Variants in ZNF610 observed in about 807,000 individuals in gnomAD.
ZNF610 encodes the protein zink finger protein.
A neutral mutation model predicts 14.1 loss-of-function variants in ZNF610; 14 were observed. The ratio of observed to expected loss-of-function variants is 0.99; its 90% CI spans 0.65 to 1.55. ZNF610 has a LOEUF of 1.55. Ranked by LOEUF, ZNF610 falls within the 40% of genes most tolerant of loss-of-function variation. The probability of loss-of-function intolerance (pLI) is 0.00; values close to 1 mark genes in which losing one functional copy is unlikely to be tolerated. For synonymous variants in ZNF610, 185 were observed against 187.6 expected, an observed-to-expected ratio of 0.99 and a Z score of 0.11; for missense variants, 530 against 558.0, an observed-to-expected ratio of 0.95 and a Z score of 0.51.
At chr19:52,336,813 C>T (rs1984406609) in intron 1 of ZNF610, among the ~76,000 whole-genome samples, 1 of 152,196 alleles carries the variant, frequency 6.6e-6, no homozygotes, top group African/African-American at 2.4e-5. Flanking sequence ...CTCCCGACCC[C>T]CGGGTGTGGG....
intron 5 of ZNF610, among the ~76,000 whole-genome samples, chr19:52,363,452 A>C (rs1169956956): frequency 1.3e-5 from 2 of 152,102 alleles, no homozygotes; most frequent in Non-Finnish European, 2.9e-5. Context: ...TCCATTTTTG[A>C]AAATGAAGTA....
Position 52,350,549 on chromosome 19 carries a change from G to A in ZNF610, c.63+1314G>A, listed in dbSNP as rs1343453448. On this transcript the variant is annotated intron_variant, in intron 3 of 5. Coordinates refer to ENST00000403906, the MANE Select transcript of ZNF610 (RefSeq NM_001161425.2). ...AAAAATCAGCAAGGCTTGGTGGTGGGCACCTGTAATCCCAGCTACCACAGA... is the reference window on the plus strand; with the variant it reads ...AAAAATCAGCAAGGCTTGGTGGTGGACACCTGTAATCCCAGCTACCACAGA... Among the ~76,000 whole-genome samples, 3 of 152,234 alleles carry A rather than the reference G, an allele frequency of 2.0e-5. No individual in the cohort carries two copies. The East Asian group carries it at 5.8e-4, about 29-fold the overall frequency.
chr19:52,344,319 A>C (rs2122191531), intron 1 of ZNF610, among the ~76,000 whole-genome samples: 1 of 150,052 alleles, frequency 6.7e-6, no homozygotes. Flanking sequence ...GGATTCTGTG[A>C]CCCCCCCATA....
At chr19:52,340,173 G>T (rs1364162122) in intron 1 of ZNF610, among the ~76,000 whole-genome samples, 3 of 152,202 alleles carry the variant, frequency 2.0e-5, no homozygotes. Context: ...GGCTGACTCA[G>T]GCAGATCACT....
At chr19:52,348,909 G>T (rs1016799567) in intron 2 of ZNF610, among the ~76,000 whole-genome samples, 4 of 152,178 alleles carry the variant, frequency 2.6e-5, no homozygotes, top group Non-Finnish European at 5.9e-5. Flanking sequence ...GCTCAGTCCA[G>T]CCTAGCTCCC....
upstream of ZNF610, among the ~76,000 whole-genome samples, chr19:52,334,527 ATAAAG>A (rs1253415990): frequency 4.0e-5 from 6 of 151,670 alleles, no homozygotes; most frequent in East Asian, 3.8e-4. Context: ...ATAAAATAAA[ATAAAG>A]TAATTTATAA....
intron 5 of ZNF610, among the ~76,000 whole-genome samples, chr19:52,357,767 A>G (rs563825542): frequency 4.3e-4 from 66 of 152,066 alleles, no homozygotes; most frequent in African/African-American, 1.5e-3. Flanking sequence ...GCAGTGAGCT[A>G]TGATCGCGCC....
At chr19:52,353,396 G>A (rs569992303) in intron 3 of ZNF610, among the ~76,000 whole-genome samples, 110 of 152,294 alleles carry the variant, frequency 7.2e-4, no homozygotes, top group African/African-American at 2.5e-3. Context: ...GGTTAGTGGT[G>A]CATGCCTATA....
At chr19:52,343,130 C>G (rs1322903431) in intron 1 of ZNF610, among the ~76,000 whole-genome samples, 1 of 152,264 alleles carries the variant, frequency 6.6e-6, no homozygotes, top group Admixed American at 6.5e-5. Context: ...CACGTATCCC[C>G]AGCAGTCCTG....
intron 1 of ZNF610, among the ~76,000 whole-genome samples, chr19:52,339,938 C>T (rs573747994): frequency 1.6e-4 from 25 of 152,274 alleles, no homozygotes; most frequent in African/African-American, 6.0e-4. Context: ...GGATTACAGG[C>T]GTGAGCCACC....
chr19:52,355,536 T>C (rs1320640200), intron 5 of ZNF610, among the ~76,000 whole-genome samples: 1 of 152,238 alleles, frequency 6.6e-6, no homozygotes, highest in East Asian at 1.9e-4. Flanking sequence ...CTGGGTTTTC[T>C]ATAATTCATT....
At chr19:52,335,347 G>A (rs1984328450), upstream of ZNF610, among the ~76,000 whole-genome samples, 1 of 152,218 alleles carries the variant, frequency 6.6e-6, no homozygotes, top group Admixed American at 6.5e-5. Context: ...CGAACGATGG[G>A]TATGGTGGCA....
chr19:52,355,269 C>G (rs1385582335), intron 5 of ZNF610, among the ~76,000 whole-genome samples: 2 of 152,148 alleles, frequency 1.3e-5, no homozygotes, highest in African/African-American at 4.8e-5. Context: ...CCCCCTTGAC[C>G]TATTCATGGT....
chr19:52,349,805 G>A (rs1351883217), intron 3 of ZNF610, among the ~76,000 whole-genome samples: 5 of 152,004 alleles, frequency 3.3e-5, no homozygotes, highest in South Asian at 4.1e-4. Context: ...CCCTGACCTC[G>A]TGATCCACCT....
chr19:52,342,191 C>T (rs898159541), intron 1 of ZNF610, among the ~76,000 whole-genome samples: 27 of 152,158 alleles, frequency 1.8e-4, no homozygotes, highest in Admixed American at 2.0e-4. Flanking sequence ...GATTTTCCCA[C>T]GTCAGCCTCC....
chr19:52,335,548 G>T (rs1984335325), upstream of ZNF610, among the ~76,000 whole-genome samples: 1 of 152,148 alleles, frequency 6.6e-6, no homozygotes, highest in South Asian at 2.1e-4. Flanking sequence ...GACTGGGAAA[G>T]GCAGACCCAC....
upstream of ZNF610, among the ~76,000 whole-genome samples, chr19:52,334,102 A>G (rs1287405453): frequency 6.6e-6 from 1 of 152,262 alleles, no homozygotes; most frequent in Non-Finnish European, 1.5e-5. Context: ...ATACAAAACT[A>G]GTATAAGATG....
upstream of ZNF610, among the ~76,000 whole-genome samples, chr19:52,334,936 A>AACAAACACACACACACACACACAC (rs1555800373): frequency 3.4e-4 from 14 of 41,534 alleles, no homozygotes; most frequent in Non-Finnish European, 2.5e-4. Flanking sequence ...CTCAAAAACA[A>AACAAACACACACACACACACACAC]ACACACACAC....
intron 3 of ZNF610, among the ~76,000 whole-genome samples, chr19:52,352,134 TTTAG>T (rs1357083759): frequency 6.6e-6 from 1 of 152,218 alleles, no homozygotes; most frequent in East Asian, 1.9e-4. Context: ...TGGAGTGTCT[TTTAG>T]TTAGGGGCCA....
Sources: gnomAD v4.1 joint callset for allele counts (sites outside exome capture counted in the v4.1 genomes callset) on GRCh38, gnomAD v4.1.1 for gene constraint, MANE v1.5 for transcripts, NCBI Gene and HGNC (gene_info 2026-07-23, HGNC 2026-07-21) for gene names.